Variants in ALK observed in about 807,000 individuals in gnomAD.
ALK encodes ALK tyrosine kinase receptor.
ALK carries 74 observed loss-of-function variants against 163.1 expected under a neutral mutation model. The ratio of observed to expected loss-of-function variants is 0.45; its 90% CI spans 0.38 to 0.55. The LOEUF (loss-of-function observed/expected upper bound fraction) is 0.55, where lower values mean the gene tolerates loss of function less well. ALK is among the 20% of genes least tolerant of loss of function. The pLI, the probability that ALK is intolerant of heterozygous loss-of-function variation, is 0.00. For missense variants in ALK, 2,063 were observed against 2,105.3 expected, an observed-to-expected ratio of 0.98 and a Z score of 0.39; for synonymous variants, 960 against 843.2, an observed-to-expected ratio of 1.14 and a Z score of -2.40.
At chr2:29,681,807 GT>G (rs1160361144) in intron 3 of ALK, among the ~76,000 whole-genome samples, 2 of 148,098 alleles carry the variant, frequency 1.4e-5, no homozygotes, top group Non-Finnish European at 3.0e-5. Context: ...ATCTAGACAT[GT>G]GATTTCCTTC....
intron 4 of ALK, among the ~76,000 whole-genome samples, chr2:29,426,625 A>G (rs1483365513): frequency 6.6e-6 from 1 of 152,204 alleles, no homozygotes; most frequent in Non-Finnish European, 1.5e-5. Context: ...GTAACACCAG[A>G]CAATAATTAG....
intron 13 of ALK, among the ~76,000 whole-genome samples, chr2:29,238,586 G>A (rs1664441523): frequency 6.6e-6 from 1 of 152,146 alleles, no homozygotes; most frequent in Non-Finnish European, 1.5e-5. Context: ...TGGAGATGGA[G>A]GTAGTGCCTG....
rs767822322 is a variant in ALK at position 29,920,628 on chromosome 2, G to A, written c.32C>T (p.Pro11Leu). ...CACAGCTGCCGTGGAAAGCAGCAGC[G>A]GCAGGAGCCACAGGAGCCCGATGGC... MGAIGLLWLLPLLLSTAAVGS... is the reference protein window; with the variant it reads MGAIGLLWLLLLLLSTAAVGS... Residue 11 changes from proline to leucine, a missense_variant, in exon 1 of 29, where the codon CCG becomes CTG. Physicochemically the swap from Pro to Leu is moderately conservative, Grantham distance 98. This residue lies in a region of ALK where 987 missense variants were observed against 939.5 expected (regional missense o/e 1.05). Coordinates refer to ENST00000389048, the MANE Select transcript of ALK (RefSeq NM_004304.5). The A allele has an allele frequency of 7.0e-5, 108 of 1,544,470 alleles. No homozygotes were observed. Among genetic ancestry groups the A allele is most frequent in the Non-Finnish European group, 8.7e-5 (100 of 1,152,444 alleles).
chr2:29,784,560 G>C (rs774632384), intron 1 of ALK, among the ~76,000 whole-genome samples: 1 of 152,130 alleles, frequency 6.6e-6, no homozygotes. Flanking sequence ...GCCAGGTGTG[G>C]TGGCAGGCAC....
intron 3 of ALK, among the ~76,000 whole-genome samples, chr2:29,672,316 T>C (rs1465361006): frequency 6.6e-6 from 1 of 150,646 alleles, no homozygotes; most frequent in African/African-American, 2.5e-5. Flanking sequence ...CCCAATGCTA[T>C]CCCTCCCCCT....
At chr2:29,784,817 TA>T (rs1663962240) in intron 1 of ALK, among the ~76,000 whole-genome samples, 1 of 152,196 alleles carries the variant, frequency 6.6e-6, no homozygotes, top group African/African-American at 2.4e-5. Flanking sequence ...TGCACTATGT[TA>T]TTACGTTATA....
chr2:29,828,357 A>AACT (rs1464413975), intron 1 of ALK, among the ~76,000 whole-genome samples: 9 of 152,208 alleles, frequency 5.9e-5, no homozygotes, highest in African/African-American at 2.2e-4. Context: ...CAGCAAAAGA[A>AACT]ACTACCATCA....
At chr2:29,449,090 C>T (rs192691840) in intron 4 of ALK, among the ~76,000 whole-genome samples, 1 of 152,308 alleles carries the variant, frequency 6.6e-6, no homozygotes, top group East Asian at 1.9e-4. Flanking sequence ...CTTCCAATAG[C>T]TGCAGGTAGC....
chr2:29,622,125 G>C (rs1208210264), intron 3 of ALK, among the ~76,000 whole-genome samples: 3 of 152,160 alleles, frequency 2.0e-5, no homozygotes, highest in Admixed American at 2.0e-4. Flanking sequence ...AGTTAATACT[G>C]TGAGCCAGTT....
intron 3 of ALK, among the ~76,000 whole-genome samples, chr2:29,665,658 G>T (rs1334968703): frequency 6.6e-6 from 1 of 151,910 alleles, no homozygotes; most frequent in East Asian, 1.9e-4. Context: ...CACAAGAATA[G>T]GCAGAGCTCT....
intron 26 of ALK, among the ~76,000 whole-genome samples, chr2:29,202,359 A>G (rs369611474): frequency 3.9e-4 from 59 of 152,350 alleles, no homozygotes; most frequent in African/African-American, 1.4e-3. Context: ...CCTTGCAGCT[A>G]TATAATTTGT....
At chr2:29,577,026 T>C (rs1674543624) in intron 3 of ALK, among the ~76,000 whole-genome samples, 1 of 152,084 alleles carries the variant, frequency 6.6e-6, no homozygotes, top group Non-Finnish European at 1.5e-5. Context: ...CTGAAACCAC[T>C]CTGCACCCCT....
In ALK at chr2:29,804,156, A is replaced by G. The variant is rs150451621; in HGVS notation, c.668-86459T>C. On this transcript the variant is annotated intron_variant, in intron 1 of 28. Coordinates refer to ENST00000389048, the MANE Select transcript of ALK (RefSeq NM_004304.5). ...GCCTATCTGTGAAGCCCGCAGTTAG[A>G]ACATTTTCAGAACAGTAATCTCATC... is the stretch of plus-strand genomic sequence containing the variant. Among the ~76,000 whole-genome samples, 597 of 152,338 alleles carry G rather than the reference A, an allele frequency of 3.9e-3. 5 individuals carry two copies. The highest frequency in any genetic ancestry group is 0.013 in the African/African-American group (556 of 41,574).
intron 11 of ALK, among the ~76,000 whole-genome samples, chr2:29,270,562 T>G (rs1005010300): frequency 3.8e-4 from 58 of 152,214 alleles, no homozygotes; most frequent in African/African-American, 1.4e-3. Flanking sequence ...GGATTTTGAC[T>G]TCCTGCTCCC....
intron 1 of ALK, among the ~76,000 whole-genome samples, chr2:29,801,473 C>T (rs1373576564): frequency 2.0e-5 from 3 of 152,166 alleles, no homozygotes; most frequent in East Asian, 3.8e-4. Flanking sequence ...ATTCTAAGTT[C>T]GGCTCCTAGA....
At chr2:29,672,790 C>T (rs1677746727) in intron 3 of ALK, among the ~76,000 whole-genome samples, 1 of 148,826 alleles carries the variant, frequency 6.7e-6, no homozygotes, top group South Asian at 2.2e-4. Context: ...TACAGTCCCA[C>T]CAACAGTGTA....
intron 9 of ALK, among the ~76,000 whole-genome samples, chr2:29,292,798 T>C (rs1666069714): frequency 6.6e-6 from 1 of 152,232 alleles, no homozygotes; most frequent in Non-Finnish European, 1.5e-5. Flanking sequence ...CTTCTATCGC[T>C]TTACATGTTT....
chr2:29,820,877 TCTC>T (rs561353571), intron 1 of ALK, among the ~76,000 whole-genome samples: 2 of 152,274 alleles, frequency 1.3e-5, no homozygotes, highest in Non-Finnish European at 2.9e-5. Context: ...TCTTTCCCCT[TCTC>T]CTTCTGTTCC....
At chr2:29,356,773 T>C (rs1352073635) in intron 5 of ALK, among the ~76,000 whole-genome samples, 1 of 152,194 alleles carries the variant, frequency 6.6e-6, no homozygotes, top group African/African-American at 2.4e-5. Flanking sequence ...ATCTGGGCCC[T>C]GCACACAGCA....
Sources: gnomAD v4.1 joint callset for allele counts (sites outside exome capture counted in the v4.1 genomes callset) on GRCh38, gnomAD v4.1.1 for gene constraint, gnomAD v4.1.1 regional missense constraint, MANE v1.5 for transcripts, NCBI Gene and HGNC (gene_info 2026-07-23, HGNC 2026-07-21) for gene names.